The following PHLPP1 variants were observed in gnomAD, a reference collection of about 807,000 sequenced individuals.
The protein encoded by PHLPP1 is PH domain and leucine rich repeat protein phosphatase 1.
PHLPP1 carries 42 observed loss-of-function variants against 117.2 expected under a neutral mutation model. The observed-to-expected ratio is 0.36, with a 90% CI of 0.28 to 0.46. PHLPP1 has a LOEUF of 0.46. Among genes scored for constraint, PHLPP1 ranks in the 20% least tolerant of loss-of-function variants. PHLPP1 has a pLI of 1.00. For synonymous variants in PHLPP1, 1,042 were observed against 970.7 expected (o/e 1.07, Z -1.37); for missense variants, 2,084 against 2,241.9 (o/e 0.93, Z 1.42).
chr18:62,767,015 A>T (rs146714789), intron 1 of PHLPP1, among the ~76,000 whole-genome samples: 18 of 152,344 alleles, frequency 1.2e-4, no homozygotes, highest in South Asian at 6.2e-4. Context: ...CACAGATTAA[A>T]TTCTAGCTCC....
chr18:62,721,965 T>G (rs913190743), intron 1 of PHLPP1, among the ~76,000 whole-genome samples: 1 of 152,186 alleles, frequency 6.6e-6, no homozygotes, highest in Non-Finnish European at 1.5e-5. Context: ...GTCCTTGGCA[T>G]TTTAGTTTAA....
chr18:62,810,962 T>C (rs2144311324), intron 1 of PHLPP1, among the ~76,000 whole-genome samples: 1 of 152,312 alleles, frequency 6.6e-6, no homozygotes, highest in East Asian at 1.9e-4. Context: ...GAGATCATAC[T>C]GGATTATAAT....
intron 12 of PHLPP1, among the ~76,000 whole-genome samples, chr18:62,947,535 C>A (rs1377597333): frequency 6.6e-6 from 1 of 152,190 alleles, no homozygotes; most frequent in Non-Finnish European, 1.5e-5. Context: ...GCTGTGCCAT[C>A]TTTTACTGGG....
At chr18:62,718,802 T>G (rs552912106) in intron 1 of PHLPP1, among the ~76,000 whole-genome samples, 1 of 152,310 alleles carries the variant, frequency 6.6e-6, no homozygotes, top group South Asian at 2.1e-4. Flanking sequence ...AAGGGATGTA[T>G]TAGAGTTTGA....
At chr18:62,948,341 T>G (rs1012637099) in intron 12 of PHLPP1, among the ~76,000 whole-genome samples, 4 of 152,038 alleles carry the variant, frequency 2.6e-5, no homozygotes, top group Non-Finnish European at 5.9e-5. Context: ...AAAAGAAATG[T>G]AAATGTTTTT....
At chr18:62,813,301 G>T (rs1426112053) in intron 1 of PHLPP1, among the ~76,000 whole-genome samples, 1 of 152,188 alleles carries the variant, frequency 6.6e-6, no homozygotes, top group Non-Finnish European at 1.5e-5. Context: ...ATCCCAAAAA[G>T]AGATGTGAGC....
intron 1 of PHLPP1, among the ~76,000 whole-genome samples, chr18:62,782,930 T>G (rs1260177810): frequency 6.6e-6 from 1 of 152,186 alleles, no homozygotes; most frequent in Non-Finnish European, 1.5e-5. Context: ...TGTGCTGTAG[T>G]AAAATTAATT....
Position 62,887,226 on chromosome 18 carries a change from G to A in PHLPP1, c.2067-7785G>A, listed in dbSNP as rs114797193. On this transcript the variant is annotated intron_variant, in intron 4 of 16. Coordinates refer to ENST00000262719, the MANE Select transcript of PHLPP1 (RefSeq NM_194449.4). ...AGAGATGAAAAGTAGTAATGACGTCGAAAGGCAGTAGATTCATAATTGCAT... is the reference window on the plus strand; with the variant it reads ...AGAGATGAAAAGTAGTAATGACGTCAAAAGGCAGTAGATTCATAATTGCAT... 5.8e-3 allele frequency among the ~76,000 whole-genome samples: 884 copies of A among 152,170 alleles called. 13 individuals are homozygous for A. The highest frequency in any genetic ancestry group is 0.02 in the African/African-American group (827 of 41,514).
chr18:62,732,423 T>G (rs1226540773), intron 1 of PHLPP1, among the ~76,000 whole-genome samples: 1 of 152,226 alleles, frequency 6.6e-6, no homozygotes, highest in South Asian at 2.1e-4. Context: ...CTTAATATTT[T>G]AAGCCCATTT....
intron 1 of PHLPP1, among the ~76,000 whole-genome samples, chr18:62,777,162 A>G (rs1326932392): frequency 6.6e-6 from 1 of 152,198 alleles, no homozygotes; most frequent in African/African-American, 2.4e-5. Flanking sequence ...TTGCATTTTC[A>G]CTAGCAGTGT....
chr18:62,980,333 T>A lies in PHLPP1; in HGVS notation c.*902T>A, dbSNP rs1911338920. The A allele has an allele frequency of 6.6e-6, 1 of 152,662 alleles. No individual in the cohort carries two copies. Among genetic ancestry groups the A allele is most frequent in the South Asian group, 2.1e-4 (1 of 4,832 alleles). The allele number at this position is 152,662 out of a possible 1,614,324, so 9.5% of individuals were successfully genotyped here. A position where few individuals can be genotyped will look rare whatever the true frequency, so the allele number is the denominator to read the frequency against. ...TGCCACAATCAGCATGGTTGTATAGTGCCCCATTAGGCCATTTACATACCC... is the reference window on the plus strand; with the variant it reads ...TGCCACAATCAGCATGGTTGTATAGAGCCCCATTAGGCCATTTACATACCC... On this transcript the variant is annotated 3_prime_UTR_variant, in exon 17 of 17. Transcript: ENST00000262719.
intron 1 of PHLPP1, among the ~76,000 whole-genome samples, chr18:62,807,336 G>A (rs1913980920): frequency 6.6e-6 from 1 of 151,908 alleles, no homozygotes; most frequent in Non-Finnish European, 1.5e-5. Context: ...TAAAATTAAG[G>A]TACTACTCTA....
rs1230162661 is a variant in PHLPP1 at position 62,829,701 on chromosome 18, G to A, written c.1577-334G>A. Among the ~76,000 whole-genome samples, 3 of 152,184 alleles carry A rather than the reference G, an allele frequency of 2.0e-5. No individual in the cohort carries two copies. In the East Asian group the frequency reaches 5.8e-4, roughly 29 times the overall value. On this transcript the variant is annotated intron_variant, in intron 1 of 16. Coordinates refer to ENST00000262719, the MANE Select transcript of PHLPP1 (RefSeq NM_194449.4). ...TGGGAGGCAGAGGTTGCAATTAGTC[G>A]AGATTGCGCCACTGCACTCCAGCCT...
chr18:62,973,070 C>T (rs1361534251), intron 15 of PHLPP1, among the ~76,000 whole-genome samples: 2 of 152,172 alleles, frequency 1.3e-5, no homozygotes, highest in Non-Finnish European at 2.9e-5. Context: ...GTTGTGGGGA[C>T]CTCTCTTTGA....
At chr18:62,838,370 T>C (rs1914964243) in intron 2 of PHLPP1, 1 of 154,564 alleles carries the variant, frequency 6.5e-6, no homozygotes, top group Non-Finnish European at 1.4e-5. Context: ...TTATTACAGG[T>C]TAATTTCAGT....
chr18:62,963,263 G>A (rs1400068536), intron 13 of PHLPP1, 105 bp from the exon 14 acceptor site: 2 of 709,710 alleles, frequency 2.8e-6, no homozygotes, highest in East Asian at 2.8e-5. Flanking sequence ...GAAATGGTAA[G>A]TACAGAGTGT....
intron 3 of PHLPP1, among the ~76,000 whole-genome samples, chr18:62,859,125 C>CA (rs1915569274): frequency 6.6e-6 from 1 of 152,124 alleles, no homozygotes; most frequent in Non-Finnish European, 1.5e-5. Flanking sequence ...AGACTGATCA[C>CA]AGAGAAGCAG....
chr18:62,929,301 C>T (rs112609595), intron 10 of PHLPP1, among the ~76,000 whole-genome samples: 4 of 152,138 alleles, frequency 2.6e-5, no homozygotes, highest in Admixed American at 6.5e-5. Context: ...TAAAATTCAT[C>T]CTCTTAAGAA....
intron 3 of PHLPP1, among the ~76,000 whole-genome samples, chr18:62,858,216 T>A (rs1446880328): frequency 6.6e-6 from 1 of 152,030 alleles, no homozygotes; most frequent in Non-Finnish European, 1.5e-5. Context: ...AGCTTTCATG[T>A]GTGCACAGTA....
Sources: gnomAD v4.1 joint callset for allele counts (sites outside exome capture counted in the v4.1 genomes callset) on GRCh38, gnomAD v4.1.1 for gene constraint, MANE v1.5 for transcripts, NCBI Gene and HGNC (gene_info 2026-07-23, HGNC 2026-07-21) for gene names.